CLEC16A: variants seen among roughly 807,000 people sequenced by gnomAD.
The protein encoded by CLEC16A is protein CLEC16A.
In CLEC16A, 51 loss-of-function variants were observed where a neutral mutation model predicts 109.5. The observed-to-expected ratio is 0.47, with a 90% CI of 0.37 to 0.59. The LOEUF (loss-of-function observed/expected upper bound fraction) is 0.59, where lower values mean the gene tolerates loss of function less well. Ranked by LOEUF, CLEC16A falls within the 20% of genes least tolerant of loss-of-function variation. The pLI, the probability that CLEC16A is intolerant of heterozygous loss-of-function variation, is 0.00. For missense variants in CLEC16A, 1,339 were observed against 1,394.0 expected (o/e 0.96, Z 0.63); for synonymous variants, 673 against 564.2 (o/e 1.19, Z -2.73).
rs2044767441 is a variant in CLEC16A, at chr16:11,003,110, G to A, written c.1108G>A (p.Glu370Lys). 1 of 1,613,524 alleles carries A rather than the reference G, an allele frequency of 6.2e-7. No individual in the cohort carries two copies. Among genetic ancestry groups the A allele is most frequent in the Non-Finnish European group, 8.5e-7 (1 of 1,179,846 alleles). ...CATTCGGTGCTTCATTAAACCCACC[G>A]AGACACTCGAGCGGTCCCTTGAGAT... is the stretch of plus-strand genomic sequence containing the variant. ...PSIRCFIKPTETLERSLEMNK... is the reference protein window; with the variant it reads ...PSIRCFIKPTKTLERSLEMNK... The change falls in exon 11 of 24, where the codon GAG becomes AAG. Residue 370 changes from glutamate (E) to lysine (K), a missense_variant. By Grantham distance (56) the Glu-to-Lys change is moderately conservative (BLOSUM62 1). Transcript: ENST00000409790.
chr16:10,967,586 G>A (rs1049462143), intron 3 of CLEC16A, among the ~76,000 whole-genome samples: 1 of 152,168 alleles, frequency 6.6e-6, no homozygotes, highest in African/African-American at 2.4e-5. Context: ...TAAGAAGAAT[G>A]GCAGTTAACA....
At chr16:11,004,795 C>T (rs1203834487) in intron 11 of CLEC16A, among the ~76,000 whole-genome samples, 1 of 151,870 alleles carries the variant, frequency 6.6e-6, no homozygotes. Context: ...GTTGAGATCT[C>T]CAGCCTCCTC....
chr16:10,963,779 A>G (rs903439257), intron 3 of CLEC16A, among the ~76,000 whole-genome samples: 3 of 152,232 alleles, frequency 2.0e-5, no homozygotes, highest in Admixed American at 2.0e-4. Context: ...CCAGGCGATT[A>G]GCTCAGTGGT....
At chr16:11,028,122 C>T (rs1249238581) in intron 13 of CLEC16A, among the ~76,000 whole-genome samples, 4 of 152,200 alleles carry the variant, frequency 2.6e-5, no homozygotes, top group Non-Finnish European at 4.4e-5. Flanking sequence ...ATCGCTCAAA[C>T]GTGGGAGGCG....
chr16:11,019,582 A>G (rs572377337), intron 11 of CLEC16A, among the ~76,000 whole-genome samples: 213 of 152,324 alleles, frequency 1.4e-3, no homozygotes, highest in Non-Finnish European at 2.1e-3. Flanking sequence ...CAGCCTGGCC[A>G]ACATGGCGAA....
intron 22 of CLEC16A, among the ~76,000 whole-genome samples, chr16:11,164,565 G>A (rs1411982376): frequency 6.6e-6 from 1 of 152,204 alleles, no homozygotes; most frequent in Non-Finnish European, 1.5e-5. Context: ...CTTCCCTGGT[G>A]CCATAACCTG....
At chr16:11,118,150 C>T (rs1426733924) in intron 19 of CLEC16A, among the ~76,000 whole-genome samples, 1 of 151,766 alleles carries the variant, frequency 6.6e-6, no homozygotes, top group African/African-American at 2.4e-5. Flanking sequence ...GACAGGGTCT[C>T]ACTATGTTGC....
At chr16:10,983,016 C>G (rs770045098) in intron 10 of CLEC16A, 25 bp downstream of exon 10, 1 of 1,272,506 alleles carries the variant, frequency 7.9e-7, no homozygotes, top group South Asian at 1.2e-5. Flanking sequence ...TCGGGACTGA[C>G]CTTAACAGGA....
At chr16:11,092,181 A>G (rs569084970) in intron 19 of CLEC16A, among the ~76,000 whole-genome samples, 6 of 152,260 alleles carry the variant, frequency 3.9e-5, no homozygotes, top group Admixed American at 1.3e-4. Context: ...CTCCATCTCT[A>G]CAAAAACGAA....
At chr16:10,971,027 T>G (rs1468922062) in intron 4 of CLEC16A, 98 bp from the exon 5 acceptor site, 1 of 573,256 alleles carries the variant, frequency 1.7e-6, no homozygotes, top group Non-Finnish European at 2.9e-6. Context: ...TTTTTTTTTG[T>G]CTTTTTCTGA....
intron 19 of CLEC16A, among the ~76,000 whole-genome samples, chr16:11,090,622 C>G (rs903098005): frequency 6.6e-6 from 1 of 151,988 alleles, no homozygotes; most frequent in Non-Finnish European, 1.5e-5. Context: ...AGGAGGCTCT[C>G]TGGATTTTTG....
At chr16:11,145,007 G>C (rs1284760566) in intron 22 of CLEC16A, among the ~76,000 whole-genome samples, 1 of 152,188 alleles carries the variant, frequency 6.6e-6, no homozygotes, top group Non-Finnish European at 1.5e-5. Context: ...TAAAGGATGA[G>C]CTAGGTTTCA....
chr16:11,155,825 A>G (rs759044303), intron 22 of CLEC16A, among the ~76,000 whole-genome samples: 8 of 152,176 alleles, frequency 5.3e-5, no homozygotes, highest in Admixed American at 1.3e-4. Context: ...AACACAAGCA[A>G]ATGGAATGGG....
chr16:11,115,250 G>A (rs898049623), intron 19 of CLEC16A, among the ~76,000 whole-genome samples: 2 of 151,482 alleles, frequency 1.3e-5, no homozygotes, highest in South Asian at 2.1e-4. Context: ...GTGAGGAAAG[G>A]GAAAGGAGAG....
chr16:11,126,366 A>G (rs1192556756), intron 22 of CLEC16A: 1 of 1,450,374 alleles, frequency 6.9e-7, no homozygotes, highest in Non-Finnish European at 9.1e-7. Flanking sequence ...GGTTTTCCAG[A>G]GATTTGTTGG....
intron 12 of CLEC16A, among the ~76,000 whole-genome samples, chr16:11,023,883 C>T (rs1412915722): frequency 6.6e-6 from 1 of 152,204 alleles, no homozygotes; most frequent in African/African-American, 2.4e-5. Context: ...AGGATCAGAG[C>T]CTCTGGCCTG....
chr16:11,021,271 A>G (rs1431410125), intron 12 of CLEC16A, among the ~76,000 whole-genome samples: 1 of 152,232 alleles, frequency 6.6e-6, no homozygotes, highest in East Asian at 1.9e-4. Context: ...TCAGATGTGC[A>G]AGGGAGCCAT....
intron 10 of CLEC16A, among the ~76,000 whole-genome samples, chr16:10,997,102 C>T (rs2044375549): frequency 6.6e-6 from 1 of 152,166 alleles, no homozygotes; most frequent in South Asian, 2.1e-4. Context: ...GCTGGGACTG[C>T]AGGCATGCAC....
intron 19 of CLEC16A, among the ~76,000 whole-genome samples, chr16:11,101,490 C>G (rs2050912794): frequency 1.3e-5 from 2 of 152,218 alleles, no homozygotes; most frequent in South Asian, 2.1e-4. Flanking sequence ...CTCTGCGTGT[C>G]TTGTTCATTC....
Sources: allele counts gnomAD v4.1 joint callset (sites outside exome capture counted in the v4.1 genomes callset), GRCh38; gene constraint gnomAD v4.1.1; transcripts MANE v1.5; gene names NCBI Gene and HGNC (gene_info 2026-07-23, HGNC 2026-07-21).